The following KATNB1 variants were observed in gnomAD, a reference collection of about 807,000 sequenced individuals.
KATNB1 encodes the protein katanin regulatory subunit B1.
KATNB1 carries 38 observed loss-of-function variants against 82.3 expected under a neutral mutation model. The ratio of observed to expected loss-of-function variants is 0.46; its 90% CI spans 0.36 to 0.61. KATNB1 has a LOEUF of 0.61. Among genes scored for constraint, KATNB1 ranks in the 20% least tolerant of loss-of-function variants. The pLI is 0.00. For missense variants in KATNB1, 749 were observed against 915.7 expected, an observed-to-expected ratio of 0.82 and a Z score of 2.35; for synonymous variants, 361 against 368.7, an observed-to-expected ratio of 0.98 and a Z score of 0.24.
intron 18 of KATNB1, 128 bp downstream of exon 18, chr16:57,756,194 C>T: frequency 4.1e-6 from 5 of 1,205,102 alleles, no homozygotes; most frequent in Non-Finnish European, 4.8e-6. Flanking sequence ...AGCATTGCTG[C>T]CCCTCAACAG....
chr16:57,756,290 C>G (rs894311000), intron 18 of KATNB1, 66 bp from the exon 19 acceptor site: 2 of 1,423,182 alleles, frequency 1.4e-6, no homozygotes. Context: ...TCCTTTGTTC[C>G]TTGCTGTTTC....
Position 57,756,896 on chromosome 16 carries a change from C to A in KATNB1, c.1918C>A (p.His640Asn). 6.4e-7 allele frequency: 1 copy of A among 1,553,542 alleles called. No individual in the cohort carries two copies. Among genetic ancestry groups the A allele is most frequent in the Non-Finnish European group, 8.7e-7 (1 of 1,148,260 alleles). ...GAGCAAGTCAGGCCTGAGCGGCCGC[C>A]ATGGCAGTACCTTCCGCGAGCTGCA... Reference protein sequence around the residue: ...VKSKSGLSGRHGSTFRELHLL... With the variant: ...VKSKSGLSGRNGSTFRELHLL... Residue 640 changes from histidine to asparagine, a missense_variant, in exon 20 of 20, where the codon CAT becomes AAT. Physicochemically the swap from His to Asn is moderately conservative, Grantham distance 68. Coordinates refer to ENST00000379661, the MANE Select transcript of KATNB1 (RefSeq NM_005886.3).
At chr16:57,739,043 T>C (rs1464133416) in intron 2 of KATNB1, among the ~76,000 whole-genome samples, 1 of 152,142 alleles carries the variant, frequency 6.6e-6, no homozygotes, top group African/African-American at 2.4e-5. Flanking sequence ...CTCAGTGTAT[T>C]GGAAGGACTC....
At chr16:57,749,006 G>A (rs1421668581) in intron 4 of KATNB1, among the ~76,000 whole-genome samples, 1 of 152,232 alleles carries the variant, frequency 6.6e-6, no homozygotes, top group Admixed American at 6.5e-5. Flanking sequence ...ACGGAGCAAG[G>A]AGTGACAGCT....
intron 4 of KATNB1, among the ~76,000 whole-genome samples, chr16:57,747,044 G>A (rs1324317653): frequency 2.0e-5 from 3 of 149,650 alleles, no homozygotes; most frequent in Admixed American, 1.4e-4. Flanking sequence ...ACCATGTCCC[G>A]CTAATTTTTG....
At chr16:57,743,621 G>A (rs117761160) in intron 3 of KATNB1, among the ~76,000 whole-genome samples, 9 of 152,232 alleles carry the variant, frequency 5.9e-5, no homozygotes, top group South Asian at 2.1e-4. Context: ...GTTTTAGAAC[G>A]CCAGGTGCAG....
At chr16:57,746,878 G>GCTTTT (rs553478315) in intron 4 of KATNB1, among the ~76,000 whole-genome samples, 6 of 152,116 alleles carry the variant, frequency 3.9e-5, no homozygotes, top group African/African-American at 1.4e-4. Context: ...TTTGCCTGAT[G>GCTTTT]CTTTTCTTTT....
intron 2 of KATNB1, among the ~76,000 whole-genome samples, chr16:57,741,406 T>C (rs557319332): frequency 9.8e-5 from 15 of 152,370 alleles, no homozygotes; most frequent in Middle Eastern, 3.4e-3. Context: ...CTAGTCAATA[T>C]TACCAGGTGA....
At chr16:57,745,147 G>A (rs541343529) in intron 4 of KATNB1, among the ~76,000 whole-genome samples, 5 of 152,140 alleles carry the variant, frequency 3.3e-5, no homozygotes, top group Admixed American at 2.6e-4. Context: ...CTGTGCTTTC[G>A]TCTGTGCTTT....
Position 57,744,486 on chromosome 16 carries a change from T to C in KATNB1, c.264T>C (p.Arg88=), listed in dbSNP as rs782626138. The change falls in exon 4 of 20, where the codon CGT becomes CGC. Residue 88 remains arginine (R), a synonymous_variant. Transcript: ENST00000379661. ...IVAGSQSGSI[R]VWDLEAAKIL... ...CCGGCTCTCAGTCGGGCTCCATCCGTGTCTGGGACCTGGAAGCTGCCAAAA... is the reference window on the plus strand; with the variant it reads ...CCGGCTCTCAGTCGGGCTCCATCCGCGTCTGGGACCTGGAAGCTGCCAAAA... 2 of 1,614,058 alleles carry C rather than the reference T, an allele frequency of 1.2e-6. No individual in the cohort carries two copies. The highest frequency in any genetic ancestry group is 4.5e-5 in the East Asian group (2 of 44,882).
Position 57,735,807 on chromosome 16 carries a change from G to C in KATNB1, c.-315G>C, listed in dbSNP as rs1300729471. On this transcript the variant is annotated 5_prime_UTR_variant, in exon 1 of 20. Transcript: ENST00000379661. ...ATCAAGGCAGGGGATGGAGGCAAGT[G>C]GGGGTCGCGCCTGGAGCGGAGCCTC... The C allele has an allele frequency of 2.0e-5, 3 of 152,500 alleles. No individual in the cohort carries two copies. The highest frequency in any genetic ancestry group is 1.9e-4 in the East Asian group (1 of 5,174). The allele number at this position is 152,500 out of a possible 1,614,324, so 9.4% of individuals were successfully genotyped here. A position where few individuals can be genotyped will look rare whatever the true frequency, so the allele number is the denominator to read the frequency against.
intron 16 of KATNB1, 173 bp from the exon 17 acceptor site, chr16:57,755,668 T>C: frequency 9.9e-7 from 1 of 1,010,458 alleles, no homozygotes; most frequent in Non-Finnish European, 1.4e-6. Context: ...CAGACTGCCG[T>C]TTAGTGAGCA....
chr16:57,753,296 C>T (rs1166125252), intron 11 of KATNB1, 29 bp downstream of exon 11: 1 of 1,581,660 alleles, frequency 6.3e-7, no homozygotes, highest in Non-Finnish European at 8.6e-7. Flanking sequence ...TTCGGGGGCC[C>T]AGGAGAGGGA....
chr16:57,754,013 G>C lies in KATNB1; in HGVS notation c.1228+18G>C, dbSNP rs781798203. 1.9e-6 allele frequency: 3 copies of C among 1,609,488 alleles called. No homozygotes were observed. The highest frequency in any genetic ancestry group is 4.5e-5 in the East Asian group (2 of 44,782). On this transcript the variant is annotated intron_variant, in intron 13 of 19. Coordinates refer to ENST00000379661, the MANE Select transcript of KATNB1 (RefSeq NM_005886.3). ...AGAGGACGGTGAGTTGGGTGAGCCT[G>C]GTTTCCCAAGGTCTCTGATGCCCCC...
intron 4 of KATNB1, among the ~76,000 whole-genome samples, chr16:57,744,761 G>A (rs530418983): frequency 1.5e-5 from 2 of 130,268 alleles, no homozygotes; most frequent in African/African-American, 2.9e-5. Context: ...GTTTGGATGT[G>A]TGTGTCTGCG....
In KATNB1 at chr16:57,752,845, G is replaced by T; in HGVS notation, c.772G>T (p.Gly258Cys). The T allele has an allele frequency of 6.2e-7, 1 of 1,610,698 alleles. No individual in the cohort carries two copies. The highest frequency in any genetic ancestry group is 8.5e-7 in the Non-Finnish European group (1 of 1,179,848). Residue 258 changes from glycine to cysteine, a missense_variant, in exon 10 of 20, where the codon GGC becomes TGC. Gly to Cys is a radical substitution (Grantham distance 159, BLOSUM62 -3). Coordinates refer to ENST00000379661, the MANE Select transcript of KATNB1 (RefSeq NM_005886.3). Reference protein sequence around the residue: ...SGCQDSLRVYGWEPERCFDVV... With the variant: ...SGCQDSLRVYCWEPERCFDVV... ...CTGCCAGGACTCACTGCGTGTCTAC[G>T]GCTGGGAACCTGAGCGGTGCTTTGA...
rs138373737 is a variant in KATNB1 at position 57,755,238 on chromosome 16, C to T, written c.1416C>T (p.Pro472=). ...PIGLKASDFL[P]AVKIPQQAEL... ...GGCTGAAGGCCTCCGACTTCCTGCC[C>T]GTGAGTAGGAGCCCAGCTCGAGGCA... The change falls in exon 15 of 20, where the codon CCC becomes CCT. Residue 472 remains proline, a splice_region_variant and synonymous_variant. Coordinates refer to ENST00000379661, the MANE Select transcript of KATNB1 (RefSeq NM_005886.3). The T allele has an allele frequency of 9.5e-4, 1,531 of 1,610,694 alleles. 24 individuals carry two copies. The East Asian group carries it at 0.024, about 25-fold the overall frequency.
At position 57,753,658 on chromosome 16, in the gene KATNB1, C is replaced by T; in HGVS notation, c.1177+139C>T. ...ACACCTGGGCTCCGTATCCTGTCCT[C>T]ACGTTCCCTGGGCCTTGCCAGGCTG... On this transcript the variant is annotated intron_variant, in intron 12 of 19. Coordinates refer to ENST00000379661, the MANE Select transcript of KATNB1 (RefSeq NM_005886.3). The T allele has an allele frequency of 8.3e-6, 10 of 1,209,438 alleles. No homozygotes were observed. In the South Asian group the frequency reaches 1.5e-4, roughly 18 times the overall value. The allele number at this position is 1,209,438 out of a possible 1,614,324, so 74.9% of individuals were successfully genotyped here.
chr16:57,737,053 C>A lies in KATNB1; in HGVS notation c.-191C>A. The stretch of plus-strand genomic sequence containing the variant: ...CGTGACAGATGTGCACAGGCTGCTG[C>A]TGTTGCTGCTGTGGGTAATTTGGAA... On this transcript the variant is annotated 5_prime_UTR_variant, in exon 2 of 20. It adds an upstream start codon to the 5' untranslated region. Transcript: ENST00000379661. 1.4e-6 allele frequency: 1 copy of A among 712,818 alleles called. No homozygotes were observed. Among genetic ancestry groups the A allele is most frequent in the Non-Finnish European group, 2.5e-6 (1 of 394,576 alleles). 44.2% of individuals were successfully genotyped at this position (712,818 alleles called of 1,614,324 possible). A position where few individuals can be genotyped will look rare whatever the true frequency, so the allele number is the denominator to read the frequency against.
Sources: allele counts gnomAD v4.1 joint callset (sites outside exome capture counted in the v4.1 genomes callset), GRCh38; gene constraint gnomAD v4.1.1; transcripts MANE v1.5; gene names NCBI Gene and HGNC (gene_info 2026-07-23, HGNC 2026-07-21).